The following SBF2 variants were observed in gnomAD, a reference collection of about 807,000 sequenced individuals.
SBF2 encodes SET binding factor 2.
In SBF2, 112 loss-of-function variants were observed where a neutral mutation model predicts 225.2. That is an observed-to-expected ratio of 0.50 (90% CI 0.43 to 0.58). The LOEUF (loss-of-function observed/expected upper bound fraction) is 0.58. SBF2 is among the 20% of genes least tolerant of loss of function. The pLI is 0.00. For synonymous variants in SBF2, 763 were observed against 773.3 expected, an observed-to-expected ratio of 0.99 and a Z score of 0.22; for missense variants, 1,996 against 2,206.2, an observed-to-expected ratio of 0.90 and a Z score of 1.91.
intron 1 of SBF2, among the ~76,000 whole-genome samples, chr11:10,219,452 G>C (rs1012740358): frequency 6.6e-6 from 1 of 152,192 alleles, no homozygotes; most frequent in African/African-American, 2.4e-5. Flanking sequence ...TCTGTGATGG[G>C]AGGGACTGCC....
rs142726060 is a variant in SBF2, at chr11:9,897,495, G to A, written c.1861-1484C>T. 1.3e-3 allele frequency among the ~76,000 whole-genome samples: 199 copies of A among 152,238 alleles called. 2 individuals carry two copies. The highest frequency in any genetic ancestry group is 4.7e-3 in the African/African-American group (195 of 41,542). On this transcript the variant is annotated intron_variant, in intron 16 of 39. Transcript: ENST00000256190. The stretch of plus-strand genomic sequence containing the variant: ...CCCAAAGTGCTGGGATCACAGGCAT[G>A]AACCACCATGCCCGGCGGATAGATA...
intron 38 of SBF2, among the ~76,000 whole-genome samples, chr11:9,783,933 C>T (rs927725716): frequency 5.9e-5 from 9 of 152,088 alleles, no homozygotes; most frequent in African/African-American, 2.2e-4. Flanking sequence ...CTTTCTGCTG[C>T]GAGGACGAAG....
intron 2 of SBF2, among the ~76,000 whole-genome samples, chr11:10,094,527 G>GTTTTTTTTTTTTTT (rs1565222159): frequency 9.8e-5 from 7 of 71,658 alleles, no homozygotes; most frequent in African/African-American, 1.6e-4. Flanking sequence ...AATACACACA[G>GTTTTTTTTTTTTTT]ATTTTTTTTT....
At chr11:10,218,429 A>T (rs1270103922) in intron 1 of SBF2, among the ~76,000 whole-genome samples, 2 of 150,858 alleles carry the variant, frequency 1.3e-5, no homozygotes, top group Non-Finnish European at 2.9e-5. Flanking sequence ...GGACACAGCC[A>T]AACAATACAA....
intron 2 of SBF2, chr11:10,165,210 T>G (rs1174121074): frequency 6.6e-6 from 1 of 152,218 alleles, no homozygotes. Context: ...TTAGGTGAGC[T>G]CTTGCCTCCA....
intron 17 of SBF2, among the ~76,000 whole-genome samples, chr11:9,894,294 G>A (rs185490676): frequency 1.3e-5 from 2 of 152,268 alleles, no homozygotes; most frequent in East Asian, 1.9e-4. Flanking sequence ...CAAGGCAGGC[G>A]GATCACAAGG....
intron 24 of SBF2, among the ~76,000 whole-genome samples, chr11:9,844,289 T>C (rs778691260): frequency 3.9e-5 from 6 of 152,182 alleles, no homozygotes; most frequent in Non-Finnish European, 8.8e-5. Flanking sequence ...TAATATACTG[T>C]CTGGAACCTC....
intron 21 of SBF2, among the ~76,000 whole-genome samples, chr11:9,851,495 C>T (rs879507556): frequency 1.3e-5 from 2 of 152,112 alleles, no homozygotes; most frequent in Admixed American, 6.5e-5. Context: ...TGAACATTTA[C>T]ACAACTCAGG....
rs912881512 is a variant in SBF2, at chr11:9,850,202, G to C, written c.2627C>G (p.Pro876Arg). 1.2e-6 allele frequency: 2 copies of C among 1,613,418 alleles called. No homozygotes were observed. The highest frequency in any genetic ancestry group is 1.7e-6 in the Non-Finnish European group (2 of 1,179,980). The change falls in exon 22 of 40, where the codon CCT (proline) becomes CGT (arginine). Residue 876 changes from proline (P) to arginine (R), a missense_variant. Coordinates refer to ENST00000256190, the MANE Select transcript of SBF2 (RefSeq NM_030962.4). ...AATTTCTTCTCCTGGCAGCAGAGCA[G>C]GTCTAAGAATCTTGGGCTTACAACA... ...PPIQKPKILRPALLPGEEIVC... is the reference protein window; with the variant it reads ...PPIQKPKILRRALLPGEEIVC...
chr11:10,074,817 C>T (rs1395289970), intron 2 of SBF2, among the ~76,000 whole-genome samples: 1 of 152,028 alleles, frequency 6.6e-6, no homozygotes, highest in Admixed American at 6.6e-5. Context: ...TGCTTATAGC[C>T]AGGTCAATTT....
At chr11:10,190,737 G>C (rs2135319694) in intron 2 of SBF2, among the ~76,000 whole-genome samples, 1 of 152,264 alleles carries the variant, frequency 6.6e-6, no homozygotes, top group East Asian at 1.9e-4. Flanking sequence ...GAGCCCATGT[G>C]TGTTCTCAGA....
chr11:10,218,565 T>A (rs550404033), intron 1 of SBF2, among the ~76,000 whole-genome samples: 1 of 152,152 alleles, frequency 6.6e-6, no homozygotes, highest in Admixed American at 6.5e-5. Context: ...TGAAGTCTCA[T>A]CCAAGACAAG....
chr11:10,091,176 A>G (rs569329304), intron 2 of SBF2, among the ~76,000 whole-genome samples: 1 of 152,326 alleles, frequency 6.6e-6, no homozygotes, highest in Admixed American at 6.5e-5. Flanking sequence ...TAAGCATTAA[A>G]AACTATATAC....
chr11:9,823,429 GA>G (rs1564885076), intron 28 of SBF2, among the ~76,000 whole-genome samples: 2 of 147,308 alleles, frequency 1.4e-5, no homozygotes, highest in African/African-American at 5.0e-5. Flanking sequence ...GTACGACAAT[GA>G]AAAGAATGAA....
intron 1 of SBF2, among the ~76,000 whole-genome samples, chr11:10,223,388 T>C (rs1199095980): frequency 8.2e-6 from 1 of 122,620 alleles, no homozygotes; most frequent in South Asian, 2.7e-4. Flanking sequence ...AAACAACACA[T>C]ATTTTGCACA....
At chr11:9,812,773 A>G (rs1405589251) in intron 29 of SBF2, 65 bp from the exon 30 acceptor site, 1 of 1,531,332 alleles carries the variant, frequency 6.5e-7, no homozygotes, top group East Asian at 2.3e-5. Flanking sequence ...GATGTTTCCA[A>G]TGGGGCAGTG....
At chr11:10,162,070 A>G (rs1271922882) in intron 2 of SBF2, among the ~76,000 whole-genome samples, 2 of 152,104 alleles carry the variant, frequency 1.3e-5, no homozygotes, top group Admixed American at 1.3e-4. Flanking sequence ...GTAGGACGAG[A>G]ACATGAAGAT....
At chr11:10,110,848 G>A (rs1952806038) in intron 2 of SBF2, among the ~76,000 whole-genome samples, 1 of 151,798 alleles carries the variant, frequency 6.6e-6, no homozygotes, top group African/African-American at 2.4e-5. Context: ...ATTTTACCCA[G>A]GAAAAGAATG....
chr11:10,059,397 A>T (rs1199586205), intron 2 of SBF2, among the ~76,000 whole-genome samples: 2 of 151,968 alleles, frequency 1.3e-5, no homozygotes, highest in South Asian at 2.1e-4. Context: ...CAACAAAGAT[A>T]AAAAAAAGAC....
Sources: allele counts gnomAD v4.1 joint callset (sites outside exome capture counted in the v4.1 genomes callset), GRCh38; gene constraint gnomAD v4.1.1; transcripts MANE v1.5; gene names NCBI Gene and HGNC (gene_info 2026-07-23, HGNC 2026-07-21).